The following ST6GAL1 variants were observed in gnomAD, a reference collection of about 807,000 sequenced individuals.
The protein encoded by ST6GAL1 is beta-galactoside alpha-2,6-sialyltransferase 1.
In ST6GAL1, 20 loss-of-function variants were observed where a neutral mutation model predicts 38.0. That is an observed-to-expected ratio of 0.53 (90% CI 0.37 to 0.77). The LOEUF is 0.77. ST6GAL1 is among the 30% of genes least tolerant of loss of function. The probability of loss-of-function intolerance (pLI) is 0.00; values close to 1 mark genes in which losing one functional copy is unlikely to be tolerated. For missense variants in ST6GAL1, 432 were observed against 496.4 expected, an observed-to-expected ratio of 0.87 and a Z score of 1.23; for synonymous variants, 196 against 188.2, an observed-to-expected ratio of 1.04 and a Z score of -0.34.
At chr3:187,046,968 C>T (rs534842201) in intron 4 of ST6GAL1, among the ~76,000 whole-genome samples, 3 of 152,288 alleles carry the variant, frequency 2.0e-5, no homozygotes, top group Admixed American at 6.5e-5. Flanking sequence ...TTGTTTTTGA[C>T]GGAGTCTTGC....
chr3:186,983,387 A>AGG (rs1282483480), intron 2 of ST6GAL1, among the ~76,000 whole-genome samples: 1 of 152,224 alleles, frequency 6.6e-6, no homozygotes, highest in African/African-American at 2.4e-5. Flanking sequence ...AATAATGAGA[A>AGG]AACAAAGAGA....
intron 5 of ST6GAL1, among the ~76,000 whole-genome samples, chr3:187,067,841 T>A (rs1579381215): frequency 1.3e-5 from 2 of 152,328 alleles, no homozygotes; most frequent in African/African-American, 4.8e-5. Context: ...CTTGTCTCTC[T>A]GGGCCTCAGT....
chr3:186,970,436 G>T (rs1715311475), intron 2 of ST6GAL1, among the ~76,000 whole-genome samples: 1 of 151,062 alleles, frequency 6.6e-6, no homozygotes, highest in Non-Finnish European at 1.5e-5. Context: ...TGTTAGCCAG[G>T]ATGGTCTCTG....
At chr3:187,015,961 T>C (rs1373270742) in intron 2 of ST6GAL1, among the ~76,000 whole-genome samples, 3 of 152,252 alleles carry the variant, frequency 2.0e-5, no homozygotes, top group Non-Finnish European at 4.4e-5. Flanking sequence ...TCAGGTTTCT[T>C]ATCTGTGAGA....
intron 5 of ST6GAL1, among the ~76,000 whole-genome samples, chr3:187,065,519 A>G: frequency 6.6e-6 from 1 of 152,228 alleles, no homozygotes; most frequent in East Asian, 1.9e-4. Context: ...AGGAAAAATG[A>G]TATATGTAAA....
chr3:186,955,242 T>C (rs1192755213), intron 1 of ST6GAL1, among the ~76,000 whole-genome samples: 1 of 152,200 alleles, frequency 6.6e-6, no homozygotes, highest in African/African-American at 2.4e-5. Flanking sequence ...AGCGTTGTAG[T>C]ATAGTTTGAA....
rs373816941 is a variant in ST6GAL1 at position 186,982,737 on chromosome 3, A to G, written c.-183+18811A>G. 2.0e-5 allele frequency among the ~76,000 whole-genome samples: 3 copies of G among 152,054 alleles called. No individual in the cohort carries two copies. The South Asian group carries it at 6.2e-4, about 32-fold the overall frequency. The stretch of plus-strand genomic sequence containing the variant: ...GCTCTTGTTGCCCAGGCTGCAGTGC[A>G]ATGGTGTGATCTCGGCTCACTGCAA... On this transcript the variant is annotated intron_variant, in intron 2 of 7. Coordinates refer to ENST00000169298, the MANE Select transcript of ST6GAL1 (RefSeq NM_173216.2).
intron 3 of ST6GAL1, among the ~76,000 whole-genome samples, chr3:187,041,394 A>G (rs183496801): frequency 6.6e-6 from 1 of 152,324 alleles, no homozygotes; most frequent in Admixed American, 6.5e-5. Flanking sequence ...GCTTTGATTT[A>G]TTATTGTAAA....
Position 187,043,149 on chromosome 3 carries a change from A to G in ST6GAL1, c.446A>G (p.Asn149Ser). The change falls in exon 4 of 8, where the codon AAT becomes AGT. Residue 149 changes from asparagine to serine, a missense_variant. Coordinates refer to ENST00000169298, the MANE Select transcript of ST6GAL1 (RefSeq NM_173216.2). ...ALRCHLRDHV[N>S]VSMVEVTDFP... ...CGCTGCCACCTCCGGGACCATGTGA[A>G]TGTATCCATGGTAGAGGTCACAGAT... 1 of 1,614,216 alleles carries G rather than the reference A, an allele frequency of 6.2e-7. No homozygotes were observed. Among genetic ancestry groups the G allele is most frequent in the Non-Finnish European group, 8.5e-7 (1 of 1,180,032 alleles).
At chr3:187,050,014 G>T (rs1718454138) in intron 4 of ST6GAL1, among the ~76,000 whole-genome samples, 1 of 152,142 alleles carries the variant, frequency 6.6e-6, no homozygotes, top group Non-Finnish European at 1.5e-5. Context: ...TTTTGCCCTA[G>T]GATTGAGGAT....
intron 2 of ST6GAL1, among the ~76,000 whole-genome samples, chr3:186,965,675 G>A (rs1715085708): frequency 6.6e-6 from 1 of 152,320 alleles, no homozygotes; most frequent in African/African-American, 2.4e-5. Flanking sequence ...CAGGTGGAGG[G>A]GTGGAGGATG....
chr3:187,056,133 G>C (rs574401900), intron 5 of ST6GAL1, among the ~76,000 whole-genome samples: 2 of 152,196 alleles, frequency 1.3e-5, no homozygotes, highest in Admixed American at 6.5e-5. Flanking sequence ...TGCAACCCCT[G>C]CTTTTTTTTG....
At chr3:186,998,186 T>C (rs1716484624) in intron 2 of ST6GAL1, among the ~76,000 whole-genome samples, 1 of 152,234 alleles carries the variant, frequency 6.6e-6, no homozygotes, top group Non-Finnish European at 1.5e-5. Context: ...ACTAGCTCCC[T>C]GTGCAGTTGA....
chr3:186,941,222 G>A lies in ST6GAL1; in HGVS notation c.-325+10388G>A, dbSNP rs77765225. On this transcript the variant is annotated intron_variant, in intron 1 of 7. Transcript: ENST00000169298. ...GTCTCAGGGTCAGGAACAGGACCTC[G>A]TGGGAGAACTGGCACTTAAGTGGTA... is the stretch of plus-strand genomic sequence containing the variant. Among the ~76,000 whole-genome samples, 1,015 of 152,302 alleles carry A rather than the reference G, an allele frequency of 6.7e-3. 13 individuals are homozygous for A. Among genetic ancestry groups the A allele is most frequent in the African/African-American group, 0.023 (965 of 41,548 alleles).
intron 5 of ST6GAL1, among the ~76,000 whole-genome samples, chr3:187,070,712 C>T (rs2377937): frequency 0.2 from 30,631 of 151,980 alleles, 3,659 homozygotes; most frequent in South Asian, 0.31. Flanking sequence ...TGTGAGCCAC[C>T]GCACCCGGCC....
At chr3:187,010,748 TGCAATTCCCAG>T (rs1004723035) in intron 2 of ST6GAL1, among the ~76,000 whole-genome samples, 4 of 152,196 alleles carry the variant, frequency 2.6e-5, no homozygotes, top group African/African-American at 9.7e-5. Context: ...GAGCAATATC[TGCAATTCCCAG>T]GAATTAGTCT....
At chr3:187,013,317 CTG>C (rs1178300451) in intron 2 of ST6GAL1, among the ~76,000 whole-genome samples, 2 of 152,184 alleles carry the variant, frequency 1.3e-5, no homozygotes, top group Admixed American at 6.5e-5. Flanking sequence ...TCCCATAACT[CTG>C]TGAAATAGGG....
intron 2 of ST6GAL1, among the ~76,000 whole-genome samples, chr3:187,029,288 A>G (rs1717657598): frequency 6.6e-6 from 1 of 152,022 alleles, no homozygotes; most frequent in Non-Finnish European, 1.5e-5. Flanking sequence ...TCTTTGAGAG[A>G]GGGATACTTA....
chr3:186,942,620 G>A (rs1025402483), intron 1 of ST6GAL1, among the ~76,000 whole-genome samples: 1 of 152,148 alleles, frequency 6.6e-6, no homozygotes, highest in Non-Finnish European at 1.5e-5. Context: ...TCCTGCAAGT[G>A]AAGAAGAATG....
Sources: allele counts gnomAD v4.1 joint callset (sites outside exome capture counted in the v4.1 genomes callset), GRCh38; gene constraint gnomAD v4.1.1; transcripts MANE v1.5; gene names NCBI Gene and HGNC (gene_info 2026-07-23, HGNC 2026-07-21).